VARS1: variants seen among roughly 807,000 people sequenced by gnomAD.
VARS1 encodes the protein valine--tRNA ligase.
A neutral mutation model predicts 161.0 loss-of-function variants in VARS1; 92 were observed. That is an observed-to-expected ratio of 0.57 (90% CI 0.48 to 0.68). The LOEUF (loss-of-function observed/expected upper bound fraction) is 0.68. Among genes scored for constraint, VARS1 ranks in the 30% least tolerant of loss-of-function variants. VARS1 has a pLI of 0.00. For synonymous variants in VARS1, 595 were observed against 682.5 expected (o/e 0.87, Z 2.00); for missense variants, 1,338 against 1,695.9 (o/e 0.79, Z 3.71).
chr6:31,791,594 G>A lies in VARS1; in HGVS notation c.1100+16C>T. 1.2e-6 allele frequency: 2 copies of A among 1,601,822 alleles called. No individual in the cohort carries two copies. The highest frequency in any genetic ancestry group is 1.7e-6 in the Non-Finnish European group (2 of 1,173,890). ...TAGGCAGAGGGAACCAGAGGAAGGT[G>A]CAGATAGAAGCTCACCATCGAGTCA... is the stretch of plus-strand genomic sequence containing the variant. On this transcript the variant is annotated intron_variant, in intron 8 of 29. Transcript: ENST00000375663. The surrounding 1 kb of genome is among the most constrained non-coding windows in gnomAD (Gnocchi z 5.0).
chr6:31,781,054 C>G lies in VARS1; in HGVS notation c.2614G>C (p.Asp872His). 6.2e-7 allele frequency: 1 copy of G among 1,613,890 alleles called. No homozygotes were observed. Among genetic ancestry groups the G allele is most frequent in the Non-Finnish European group, 8.5e-7 (1 of 1,180,030 alleles). The change falls in exon 22 of 30, where the codon GAT becomes CAT. Residue 872 changes from aspartate to histidine, a missense_variant. Transcript: ENST00000375663. The surrounding 1 kb of genome is among the most constrained non-coding windows in gnomAD (Gnocchi z 6.8). ...ATTCCATAGATGACGTCCAGGGGATCGATGACATTGCCTAGAGACTTGCTC... is the reference window on the plus strand; with the variant it reads ...ATTCCATAGATGACGTCCAGGGGATGGATGACATTGCCTAGAGACTTGCTC... ...KMSKSLGNVI[D>H]PLDVIYGISL...
intron 8 of VARS1, among the ~76,000 whole-genome samples, chr6:31,787,617 C>A (rs925011205): frequency 6.6e-5 from 10 of 151,704 alleles, no homozygotes; most frequent in African/African-American, 2.4e-4. Context: ...TGCACTCCAG[C>A]CTGGGCGACA....
In VARS1 at chr6:31,792,245, G is replaced by A; in HGVS notation, c.843C>T (p.Asp281=). The change falls in exon 6 of 30, where the codon GAC becomes GAT. Residue 281 remains aspartate (D), a synonymous_variant. Coordinates refer to ENST00000375663, the MANE Select transcript of VARS1 (RefSeq NM_006295.3). ...TCTTTTCCCCGGGTGGGGTTGGGAGGTCATAGGTAATGACCCCAGGATCCC... is the reference window on the plus strand; with the variant it reads ...TCTTTTCCCCGGGTGGGGTTGGGAGATCATAGGTAATGACCCCAGGATCCC... The part of the protein sequence containing the change: ...EKRDPGVITY[D]LPTPPGEKKD... The A allele has an allele frequency of 6.2e-7, 1 of 1,613,948 alleles. No individual in the cohort carries two copies. Among genetic ancestry groups the A allele is most frequent in the Non-Finnish European group, 8.5e-7 (1 of 1,180,010 alleles).
Position 31,792,057 on chromosome 6 carries a change from C to T in VARS1, c.872-86G>A, listed in dbSNP as rs1444815726. On this transcript the variant is annotated intron_variant, in intron 6 of 29. Transcript: ENST00000375663. ...GCTGGCAGAGAGGGATCGGGATCTC[C>T]GTCACTCACATCATAGGACAGGCAT... The T allele has an allele frequency of 2.3e-5, 34 of 1,462,662 alleles. 1 individual carries two copies. In the East Asian group the frequency reaches 6.4e-4, roughly 27 times the overall value. The allele number at this position is 1,462,662 out of a possible 1,614,324, so 90.6% of individuals were successfully genotyped here.
In VARS1 at chr6:31,780,801, G is replaced by C. The variant is rs767911243; in HGVS notation, c.2719-18C>G. 6.2e-6 allele frequency: 10 copies of C among 1,614,178 alleles called. No homozygotes were observed. The highest frequency in any genetic ancestry group is 8.5e-6 in the Non-Finnish European group (10 of 1,180,010). Reference sequence around the variant, plus strand: ...TCAGCTTTCTACAGGGAAGAGGCAGGGGGAGGAGCGTCCTCAGCCAGCCCC... The same window carrying C: ...TCAGCTTTCTACAGGGAAGAGGCAGCGGGAGGAGCGTCCTCAGCCAGCCCC... On this transcript the variant is annotated intron_variant, in intron 23 of 29. Transcript: ENST00000375663. This position sits in a 1 kb window ranked among gnomAD's most constrained non-coding sequence, Gnocchi z 5.1.
At position 31,779,746 on chromosome 6, in the gene VARS1, G is replaced by A; in HGVS notation, c.3150C>T (p.Tyr1050=). 6.2e-7 allele frequency: 1 copy of A among 1,613,040 alleles called. No individual in the cohort carries two copies. The part of the protein sequence containing the change: ...VAAECARQTL[Y]TCLDVGLRLL... ...GCCGCAGGCCAACGTCCAGGCAAGT[G>A]TACAGGGTCTGGCGGGCACACTCAG... Residue 1050 remains tyrosine, a synonymous_variant, in exon 27 of 30, where the codon TAC becomes TAT. Coordinates refer to ENST00000375663, the MANE Select transcript of VARS1 (RefSeq NM_006295.3). This position sits in a 1 kb window ranked among gnomAD's most constrained non-coding sequence, Gnocchi z 9.1.
chr6:31,795,071 C>T lies in VARS1; in HGVS notation c.147G>A (p.Arg49=), dbSNP rs1436405847. ...GCAGGCGGGGTGGGGGAAAGGGAGT[C>T]CTGCTAGTCGGGGGTGGCTGGAGAC... ...RICLQPPPTS[R]TPFPPPRLPA... The change falls in exon 2 of 30, where the codon AGG becomes AGA. Residue 49 remains arginine, a synonymous_variant. Coordinates refer to ENST00000375663, the MANE Select transcript of VARS1 (RefSeq NM_006295.3). The surrounding 1 kb of genome is among the most constrained non-coding windows in gnomAD (Gnocchi z 6.9). The T allele has an allele frequency of 5.3e-6, 8 of 1,516,032 alleles. No individual in the cohort carries two copies. Among genetic ancestry groups the T allele is most frequent in the Non-Finnish European group, 7.1e-6 (8 of 1,128,024 alleles). The allele number at this position is 1,516,032 out of a possible 1,614,324, so 93.9% of individuals were successfully genotyped here.
chr6:31,788,172 C>T (rs921686821), intron 8 of VARS1, among the ~76,000 whole-genome samples: 13 of 151,522 alleles, frequency 8.6e-5, no homozygotes, highest in South Asian at 2.1e-4. Flanking sequence ...CAAACACAAA[C>T]GCAAACAACT....
chr6:31,782,825 C>A lies in VARS1; in HGVS notation c.1783G>T (p.Ala595Ser), dbSNP rs765612676. The change falls in exon 15 of 30, where the codon GCA (alanine) becomes TCA (serine). Residue 595 changes from alanine (A) to serine (S), a missense_variant. Physicochemically the swap from Ala to Ser is moderately conservative, Grantham distance 99 (BLOSUM62 1). Transcript: ENST00000375663. The surrounding 1 kb of genome is among the most constrained non-coding windows in gnomAD (Gnocchi z 8.3). ...ACTTCATAGTCATTTTGGTCATGTG[C>A]GGGGGTGATCTTCACAGCACCTGGG... is the stretch of plus-strand genomic sequence containing the variant. ...FGTGAVKITP[A>S]HDQNDYEVGQ... is the part of the protein sequence containing the mutation. 4 of 1,612,240 alleles carry A rather than the reference C, an allele frequency of 2.5e-6. No homozygotes were observed. In the African/African-American group the frequency reaches 5.3e-5, roughly 22 times the overall value.
Position 31,781,402 on chromosome 6 carries a change from C to A in VARS1, c.2544+79G>T, listed in dbSNP as rs1813133387. 5.8e-6 allele frequency: 9 copies of A among 1,555,060 alleles called. No individual in the cohort carries two copies. The highest frequency in any genetic ancestry group is 7.8e-6 in the Non-Finnish European group (9 of 1,152,922). On this transcript the variant is annotated intron_variant, in intron 21 of 29. Coordinates refer to ENST00000375663, the MANE Select transcript of VARS1 (RefSeq NM_006295.3). This position sits in a 1 kb window ranked among gnomAD's most constrained non-coding sequence, Gnocchi z 6.8. ...CCCACAGCTAACCCCATGCCCCAGC[C>A]ACGCGGGGTCTGCGCTGCAGCACAG...
intron 8 of VARS1, among the ~76,000 whole-genome samples, chr6:31,787,631 C>T (rs946035862): frequency 1.5e-4 from 22 of 150,340 alleles, no homozygotes; most frequent in African/African-American, 3.9e-4. Flanking sequence ...GGCGACAGAG[C>T]GAGACTCTGT....
rs142045354 is a variant in VARS1, at chr6:31,793,375, G to A, written c.388-255C>T. Among the ~76,000 whole-genome samples the A allele has an allele frequency of 9.9e-3, 1,501 of 151,182 alleles. 14 individuals are homozygous for A. Among genetic ancestry groups the A allele is most frequent in the Non-Finnish European group, 0.017 (1,138 of 67,654 alleles). On this transcript the variant is annotated intron_variant, in intron 2 of 29. Transcript: ENST00000375663. The stretch of plus-strand genomic sequence containing the variant: ...AAAAAAAATAGCCAGGCGTGGTGGC[G>A]GGCGCCTGTAGTCCCAGCTACTCGG...
rs775629975 is a variant in VARS1 at position 31,782,394 on chromosome 6, G to A, written c.2041C>T (p.Arg681Cys). 19 of 1,612,290 alleles carry A rather than the reference G, an allele frequency of 1.2e-5. No individual in the cohort carries two copies. In the East Asian group the frequency reaches 2.5e-4, roughly 21 times the overall value. The part of the protein sequence containing the change: ...EPLLRPQWYV[R>C]CGEMAQAASA... ...GCAGCCTGGGCCATCTCCCCGCAGC[G>A]AACGTACCACTGCGGCCGCAGCAGA... The change falls in exon 17 of 30, where the codon CGC becomes TGC. Residue 681 changes from arginine to cysteine, a missense_variant. Physicochemically the swap from Arg to Cys is radical, Grantham distance 180. Coordinates refer to ENST00000375663, the MANE Select transcript of VARS1 (RefSeq NM_006295.3). This position sits in a 1 kb window ranked among gnomAD's most constrained non-coding sequence, Gnocchi z 8.3.
chr6:31,784,702 C>A lies in VARS1; in HGVS notation c.1360G>T (p.Ala454Ser). Residue 454 changes from alanine (A) to serine (S), a missense_variant, in exon 11 of 30, where the codon GCT (alanine) becomes TCT (serine). Ala to Ser is a moderately conservative substitution (Grantham distance 99). This residue lies in a region of VARS1 where 902 missense variants were observed against 1,090.3 expected (regional missense o/e 0.83). Transcript: ENST00000375663. This position sits in a 1 kb window ranked among gnomAD's most constrained non-coding sequence, Gnocchi z 6.1. ...AGCCGGACAAAGGCCTCTGTCACAG[C>A]TGCTGAGAGTTTCTGGGGTGGAGGA... ...CFTMDPKLSAAVTEAFVRLHE... is the reference protein window; with the variant it reads ...CFTMDPKLSASVTEAFVRLHE... The A allele has an allele frequency of 1.2e-6, 2 of 1,613,016 alleles. No homozygotes were observed. The highest frequency in any genetic ancestry group is 1.7e-6 in the Non-Finnish European group (2 of 1,180,026).
Position 31,779,469 on chromosome 6 carries a change from C to T in VARS1, c.3356G>A (p.Arg1119His). 2 of 1,612,618 alleles carry T rather than the reference C, an allele frequency of 1.2e-6. No individual in the cohort carries two copies. Among genetic ancestry groups the T allele is most frequent in the African/African-American group, 1.3e-5 (1 of 75,020 alleles). ...GAGGTTGTAGTCGGCCCGCAGGGAG[C>T]GCACGGCTCGCGTGATGCTTAGCGC... ...ELALSITRAV[R>H]SLRADYNLTR... Residue 1119 changes from arginine to histidine, a missense_variant, in exon 28 of 30, where the codon CGC (arginine) becomes CAC (histidine). Arg to His is a conservative substitution (Grantham distance 29). Transcript: ENST00000375663. This position sits in a 1 kb window ranked among gnomAD's most constrained non-coding sequence, Gnocchi z 9.1.
In VARS1 at chr6:31,784,827, A is replaced by G. The variant is rs1813396776; in HGVS notation, c.1348-113T>C. The G allele has an allele frequency of 6.7e-7, 1 of 1,495,582 alleles. No homozygotes were observed. The highest frequency in any genetic ancestry group is 1.2e-5 in the South Asian group (1 of 81,344). 92.6% of individuals were successfully genotyped at this position (1,495,582 alleles called of 1,614,324 possible). ...ATACAGAGTCCCACTGGCCAGCACAAAGACCCCTCTGAGGGGAGTACTTTC... is the reference window on the plus strand; with the variant it reads ...ATACAGAGTCCCACTGGCCAGCACAGAGACCCCTCTGAGGGGAGTACTTTC... On this transcript the variant is annotated intron_variant, in intron 10 of 29. Coordinates refer to ENST00000375663, the MANE Select transcript of VARS1 (RefSeq NM_006295.3). The surrounding 1 kb of genome is among the most constrained non-coding windows in gnomAD (Gnocchi z 6.1).
chr6:31,791,761 A>T lies in VARS1; in HGVS notation c.973-24T>A. 6.2e-7 allele frequency: 1 copy of T among 1,613,040 alleles called. No homozygotes were observed. Among genetic ancestry groups the T allele is most frequent in the South Asian group, 1.1e-5 (1 of 91,084 alleles). ...CGCTGATGGTGGAGAAGGATGGCAC[A>T]TGTTTAAGGCCTCAGGTCACCTCTC... On this transcript the variant is annotated intron_variant, in intron 7 of 29. Transcript: ENST00000375663. This position sits in a 1 kb window ranked among gnomAD's most constrained non-coding sequence, Gnocchi z 5.0.
In VARS1 at chr6:31,779,567, T is replaced by G; in HGVS notation, c.3289-31A>C. On this transcript the variant is annotated intron_variant, in intron 27 of 29. Transcript: ENST00000375663. The surrounding 1 kb of genome is among the most constrained non-coding windows in gnomAD (Gnocchi z 9.1). ...GGGTGGAGGAGGGGGTGAGGGGGCC[T>G]GGAGGGCAGGTCAGACTCCCCTCTC... 6.2e-7 allele frequency: 1 copy of G among 1,610,536 alleles called. No individual in the cohort carries two copies.
intron 2 of VARS1, among the ~76,000 whole-genome samples, chr6:31,793,417 A>AG (rs1814031793): frequency 6.6e-6 from 1 of 151,584 alleles, no homozygotes; most frequent in Non-Finnish European, 1.5e-5. Context: ...GAGGCAGGAG[A>AG]ATGGCATGAA....
Sources: gnomAD v4.1 joint callset for allele counts (sites outside exome capture counted in the v4.1 genomes callset) on GRCh38, gnomAD v4.1.1 for gene constraint, gnomAD v4.1.1 regional missense constraint, Gnocchi (gnomAD v3.1) non-coding constraint, MANE v1.5 for transcripts, NCBI Gene and HGNC (gene_info 2026-07-23, HGNC 2026-07-21) for gene names.